DCDC2: variants seen among roughly 807,000 people sequenced by gnomAD.
DCDC2 encodes doublecortin domain-containing protein 2.
DCDC2 carries 40 observed loss-of-function variants against 50.2 expected under a neutral mutation model. That is an observed-to-expected ratio of 0.80 (90% CI 0.62 to 1.04). DCDC2 has a LOEUF of 1.04. Among genes scored for constraint, DCDC2 ranks in the 50% least tolerant of loss-of-function variants. The pLI, the probability that DCDC2 is intolerant of heterozygous loss-of-function variation, is 0.00. For synonymous variants in DCDC2, 234 were observed against 210.6 expected (o/e 1.11, Z -0.96); for missense variants, 570 against 581.9 (o/e 0.98, Z 0.21).
At chr6:24,351,887 T>C (rs751412915) in intron 2 of DCDC2, among the ~76,000 whole-genome samples, 2 of 152,080 alleles carry the variant, frequency 1.3e-5, no homozygotes, top group Non-Finnish European at 2.9e-5. Context: ...GGGCGGATCA[T>C]GAGGTCAGGA....
In DCDC2 at chr6:24,341,945, C is replaced by T. The variant is rs9460997; in HGVS notation, c.348+11624G>A. ...AAGAGGGCGCACGCATGTGTGCACG[C>T]GTACACACACACACACACACAAACA... On this transcript the variant is annotated intron_variant, in intron 2 of 9. Transcript: ENST00000378454. 3.2e-4 allele frequency among the ~76,000 whole-genome samples: 10 copies of T among 31,692 alleles called. No homozygotes were observed. In the East Asian group the frequency reaches 0.01, roughly 32 times the overall value. The allele number at this position is 31,692 out of a possible 152,430, so 20.8% of individuals were successfully genotyped here. A position where few individuals can be genotyped will look rare whatever the true frequency, so the allele number is the denominator to read the frequency against.
intron 9 of DCDC2, among the ~76,000 whole-genome samples, chr6:24,176,289 T>A (rs1302818365): frequency 6.7e-6 from 1 of 150,270 alleles, no homozygotes; most frequent in Admixed American, 6.7e-5. Flanking sequence ...GAGTGAGACC[T>A]TGTCACAAAA....
At chr6:24,195,674 A>G (rs1761417883) in intron 8 of DCDC2, among the ~76,000 whole-genome samples, 1 of 152,212 alleles carries the variant, frequency 6.6e-6, no homozygotes, top group Non-Finnish European at 1.5e-5. Context: ...AGATGCCCAT[A>G]GCACTCCCCC....
chr6:24,261,588 G>T (rs2113806535), intron 7 of DCDC2, among the ~76,000 whole-genome samples: 1 of 152,146 alleles, frequency 6.6e-6, no homozygotes, highest in African/African-American at 2.4e-5. Flanking sequence ...GTGTTTCATG[G>T]GCTCTGAGAG....
intron 2 of DCDC2, among the ~76,000 whole-genome samples, chr6:24,304,037 C>T (rs1379757503): frequency 1.3e-5 from 2 of 152,186 alleles, no homozygotes; most frequent in South Asian, 4.1e-4. Flanking sequence ...GCAATGCCTA[C>T]GAGTTGCACA....
the DCDC2 span, among the ~76,000 whole-genome samples, chr6:24,366,848 TC>T: frequency 0.42 from 63,872 of 151,422 alleles, 14,866 homozygotes; most frequent in Non-Finnish European, 0.53. Flanking sequence ...AAAATCTAAA[TC>T]TTTTTTTTTT....
Position 24,353,586 on chromosome 6 carries a change from C to A in DCDC2, c.331G>T (p.Glu111Ter). ...TGCATTACCTCTGTATTAACAACTT[C>A]CATTGGTCTTTTCTTGATTTCTCCT... ...DIGEIKKRPM[E>*]VVNTEVKPVI... Residue 111 changes from glutamate (E) to a stop codon, truncating the protein, a stop_gained, in exon 2 of 10, where the codon GAA becomes TAA. Coordinates refer to ENST00000378454, the MANE Select transcript of DCDC2 (RefSeq NM_016356.5). LOFTEE classifies it high-confidence loss of function. 1 of 1,587,248 alleles carries A rather than the reference C, an allele frequency of 6.3e-7. No individual in the cohort carries two copies. Among genetic ancestry groups the A allele is most frequent in the Non-Finnish European group, 8.6e-7 (1 of 1,166,182 alleles).
At chr6:24,266,659 A>G (rs1581620873) in intron 7 of DCDC2, among the ~76,000 whole-genome samples, 1 of 152,186 alleles carries the variant, frequency 6.6e-6, no homozygotes, top group African/African-American at 2.4e-5. Context: ...GAAGACAGAC[A>G]ATAAGGGATG....
At chr6:24,358,115 G>A (rs1760516653), upstream of DCDC2, 2 of 590,408 alleles carry the variant, frequency 3.4e-6, no homozygotes, top group South Asian at 5.0e-5. Context: ...GTGAGGGCAG[G>A]AGAGAGGAGG....
chr6:24,355,666 C>G (rs199772490), intron 1 of DCDC2, among the ~76,000 whole-genome samples: 1 of 152,144 alleles, frequency 6.6e-6, no homozygotes, highest in Non-Finnish European at 1.5e-5. Flanking sequence ...TTTAAGCATG[C>G]AATTTCATTT....
chr6:24,288,266 A>T (rs982194349), intron 6 of DCDC2, among the ~76,000 whole-genome samples: 1 of 152,250 alleles, frequency 6.6e-6, no homozygotes, highest in African/African-American at 2.4e-5. Flanking sequence ...CTGGCATGAC[A>T]TGGAGCTCAC....
At chr6:24,260,600 C>G (rs1334965122) in intron 7 of DCDC2, among the ~76,000 whole-genome samples, 1 of 152,200 alleles carries the variant, frequency 6.6e-6, no homozygotes, top group Non-Finnish European at 1.5e-5. Flanking sequence ...CATCTAGCTA[C>G]TAAAGAAGCT....
Position 24,346,285 on chromosome 6 carries a change from C to T in DCDC2, c.348+7284G>A, listed in dbSNP as rs539823018. Among the ~76,000 whole-genome samples, 66 of 151,758 alleles carry T rather than the reference C, an allele frequency of 4.3e-4. 1 individual carries two copies. Among genetic ancestry groups the T allele is most frequent in the African/African-American group, 1.5e-3 (63 of 41,308 alleles). On this transcript the variant is annotated intron_variant, in intron 2 of 9. Coordinates refer to ENST00000378454, the MANE Select transcript of DCDC2 (RefSeq NM_016356.5). ...GAGTAGGGGTAGTACAGAAAAGAGA[C>T]AGGAAGAGGGAAAAAAGAAAGAAGT...
chr6:24,369,946 G>A, the DCDC2 span, among the ~76,000 whole-genome samples: 10 of 152,070 alleles, frequency 6.6e-5, no homozygotes, highest in African/African-American at 2.4e-4. Flanking sequence ...GGAGGCTGAG[G>A]TGGGAGGATC....
intron 4 of DCDC2, among the ~76,000 whole-genome samples, chr6:24,293,207 G>A (rs779748981): frequency 6.6e-6 from 1 of 152,158 alleles, no homozygotes; most frequent in Non-Finnish European, 1.5e-5. Context: ...GATTACAGAC[G>A]TGAGCCACCA....
At chr6:24,345,584 G>C (rs1760239332) in intron 2 of DCDC2, among the ~76,000 whole-genome samples, 1 of 151,722 alleles carries the variant, frequency 6.6e-6, no homozygotes, top group African/African-American at 2.4e-5. Flanking sequence ...AGAGGATTCA[G>C]AAGGATGGCT....
chr6:24,186,826 G>A (rs897683829), intron 8 of DCDC2, among the ~76,000 whole-genome samples: 4 of 151,970 alleles, frequency 2.6e-5, no homozygotes, highest in East Asian at 3.9e-4. Context: ...TTATTATGTC[G>A]AAGTCTTAAC....
intron 2 of DCDC2, among the ~76,000 whole-genome samples, chr6:24,341,171 A>G (rs1561781192): frequency 6.6e-6 from 1 of 152,226 alleles, no homozygotes. Context: ...AAAGCAGCAG[A>G]GATTGCCATT....
At chr6:24,378,870 T>C in the DCDC2 span, among the ~76,000 whole-genome samples, 83,340 of 149,530 alleles carry the variant, frequency 0.56, 24,652 homozygotes, top group East Asian at 0.8. Context: ...GAGGATTGCT[T>C]GAGCCCAGGA....
Sources: allele counts gnomAD v4.1 joint callset (sites outside exome capture counted in the v4.1 genomes callset), GRCh38; gene constraint gnomAD v4.1.1; transcripts MANE v1.5; gene names NCBI Gene and HGNC (gene_info 2026-07-23, HGNC 2026-07-21).